The following ST6GAL1 variants were observed in gnomAD, a reference collection of about 807,000 sequenced individuals.
ST6GAL1 encodes beta-galactoside alpha-2,6-sialyltransferase 1.
Under a neutral mutation model 38.0 loss-of-function variants are expected in ST6GAL1, and 20 were observed. The observed-to-expected ratio is 0.53, with a 90% CI of 0.37 to 0.77. The LOEUF (loss-of-function observed/expected upper bound fraction) is 0.77. Ranked by LOEUF, ST6GAL1 falls within the 30% of genes least tolerant of loss-of-function variation. ST6GAL1 has a pLI of 0.00. For missense variants in ST6GAL1, 432 were observed against 496.4 expected, an observed-to-expected ratio of 0.87 and a Z score of 1.23; for synonymous variants, 196 against 188.2, an observed-to-expected ratio of 1.04 and a Z score of -0.34.
intron 2 of ST6GAL1, among the ~76,000 whole-genome samples, chr3:186,989,814 G>T (rs7622133): frequency 0.45 from 68,195 of 152,096 alleles, 15,395 homozygotes; most frequent in East Asian, 0.55. Context: ...ATTTGATTTT[G>T]CATGTCTTCT....
chr3:186,974,995 A>T (rs190373225), intron 2 of ST6GAL1: 3 of 152,450 alleles, frequency 2.0e-5, no homozygotes, highest in Admixed American at 2.0e-4. Flanking sequence ...GTCCTCGCCA[A>T]CATCTACAAA....
At chr3:186,935,252 A>T (rs1388096982) in intron 1 of ST6GAL1, among the ~76,000 whole-genome samples, 1 of 152,126 alleles carries the variant, frequency 6.6e-6, no homozygotes, top group African/African-American at 2.4e-5. Flanking sequence ...AAGTAAGAAC[A>T]TGTGGTATTG....
intron 1 of ST6GAL1, among the ~76,000 whole-genome samples, chr3:186,932,602 A>C (rs1235050908): frequency 6.6e-6 from 1 of 152,168 alleles, no homozygotes; most frequent in Non-Finnish European, 1.5e-5. Context: ...GGAGACTCAG[A>C]TGTTTTGCCT....
intron 1 of ST6GAL1, among the ~76,000 whole-genome samples, chr3:186,958,348 CTT>C (rs752567628): frequency 2.3e-4 from 35 of 151,910 alleles, no homozygotes; most frequent in Admixed American, 1.3e-4. Flanking sequence ...TTAGTGTTGA[CTT>C]AATAAAAAAT....
intron 2 of ST6GAL1, among the ~76,000 whole-genome samples, chr3:187,024,378 C>A (rs1717441745): frequency 6.6e-6 from 1 of 150,960 alleles, no homozygotes; most frequent in East Asian, 1.9e-4. Context: ...CAGGCATGAG[C>A]CACCGCGCCC....
chr3:187,044,134 A>T (rs919839785), intron 4 of ST6GAL1, among the ~76,000 whole-genome samples: 5 of 152,238 alleles, frequency 3.3e-5, no homozygotes, highest in Admixed American at 3.3e-4. Flanking sequence ...GTCACAACAT[A>T]TTAATTTGCT....
intron 1 of ST6GAL1, among the ~76,000 whole-genome samples, chr3:186,937,164 A>G (rs554520372): frequency 4.1e-4 from 63 of 152,122 alleles, no homozygotes; most frequent in African/African-American, 1.4e-3. Context: ...CTTCTTGCTT[A>G]ACCTTCCCAT....
chr3:186,944,130 T>G (rs1714274178), intron 1 of ST6GAL1, among the ~76,000 whole-genome samples: 1 of 152,202 alleles, frequency 6.6e-6, no homozygotes, highest in Non-Finnish European at 1.5e-5. Context: ...CCAGAAGTCT[T>G]CAAATAAAAT....
At chr3:186,956,768 C>T (rs1205845716) in intron 1 of ST6GAL1, among the ~76,000 whole-genome samples, 6 of 152,218 alleles carry the variant, frequency 3.9e-5, no homozygotes, top group Non-Finnish European at 5.9e-5. Context: ...AAGCACTGAT[C>T]ATGCACACAG....
intron 2 of ST6GAL1, among the ~76,000 whole-genome samples, chr3:187,010,922 C>T (rs1246787638): frequency 6.6e-6 from 1 of 152,190 alleles, no homozygotes; most frequent in Non-Finnish European, 1.5e-5. Context: ...CCCCCCTCCC[C>T]TTTCTAAACC....
intron 2 of ST6GAL1, among the ~76,000 whole-genome samples, chr3:187,025,089 C>T (rs74925087): frequency 6.6e-6 from 1 of 150,980 alleles, no homozygotes; most frequent in East Asian, 1.9e-4. Flanking sequence ...AGGGGTGGTA[C>T]GATTCTGCCA....
At chr3:186,957,539 A>T (rs1022684002) in intron 1 of ST6GAL1, among the ~76,000 whole-genome samples, 1 of 152,206 alleles carries the variant, frequency 6.6e-6, no homozygotes, top group Non-Finnish European at 1.5e-5. Flanking sequence ...AATAGAGACA[A>T]TGAAAGGGAA....
intron 2 of ST6GAL1, among the ~76,000 whole-genome samples, chr3:186,999,841 TTTTA>T (rs1716555293): frequency 6.9e-6 from 1 of 144,652 alleles, no homozygotes; most frequent in Non-Finnish European, 1.5e-5. Flanking sequence ...AAAGATACAC[TTTTA>T]TTTATTTATA....
At position 187,074,292 on chromosome 3, in the gene ST6GAL1, C is replaced by T. The variant is rs1293528570; in HGVS notation, c.938C>T (p.Pro313Leu). The T allele has an allele frequency of 6.2e-7, 1 of 1,605,796 alleles. No homozygotes were observed. Among genetic ancestry groups the T allele is most frequent in the South Asian group, 1.1e-5 (1 of 88,572 alleles). ...ELWDILQEIS[P>L]EEIQPNPPSS... is the part of the protein sequence containing the mutation. Reference sequence around the variant, plus strand: ...TGGGACATTCTTCAAGAAATCTCCCCAGAAGAGATTCAGCCAAACCCCCCA... The same window carrying T: ...TGGGACATTCTTCAAGAAATCTCCCTAGAAGAGATTCAGCCAAACCCCCCA... The change falls in exon 7 of 8, where the codon CCA becomes CTA. Residue 313 changes from proline (P) to leucine (L), a missense_variant. Pro to Leu is a moderately conservative substitution (Grantham distance 98). Coordinates refer to ENST00000169298, the MANE Select transcript of ST6GAL1 (RefSeq NM_173216.2).
At chr3:187,053,792 G>A (rs575581480) in intron 5 of ST6GAL1, among the ~76,000 whole-genome samples, 1 of 152,252 alleles carries the variant, frequency 6.6e-6, no homozygotes, top group East Asian at 1.9e-4. Context: ...GCTCTTTTTT[G>A]GTTGCATATG....
intron 2 of ST6GAL1, among the ~76,000 whole-genome samples, chr3:186,972,400 C>T (rs921451598): frequency 8.5e-5 from 13 of 152,108 alleles, no homozygotes; most frequent in African/African-American, 3.1e-4. Flanking sequence ...AGGCACGGGC[C>T]ACCACACCCA....
Position 187,076,989 on chromosome 3 carries a change from A to G in ST6GAL1, c.*1186A>G. 1 of 332,394 alleles carries G rather than the reference A, an allele frequency of 3.0e-6. No homozygotes were observed. The highest frequency in any genetic ancestry group is 4.4e-5 in the East Asian group (1 of 22,968). 20.6% of individuals were successfully genotyped at this position (332,394 alleles called of 1,614,324 possible). ...TAACCACCATCTGTTTTTTTTTTTT[A>G]AAGCATTTTTTGCTTTAAAAGCATC... On this transcript the variant is annotated 3_prime_UTR_variant, in exon 8 of 8. Transcript: ENST00000169298.
chr3:187,024,485 TATATATATAGAGAG>T (rs1717451534), intron 2 of ST6GAL1, among the ~76,000 whole-genome samples: 3 of 65,516 alleles, frequency 4.6e-5, no homozygotes, highest in Admixed American at 4.5e-4. Context: ...TATATATATA[TATATATATAGAGAG>T]AGAGAGAGAG....
At chr3:187,021,681 C>T (rs1184298956) in intron 2 of ST6GAL1, among the ~76,000 whole-genome samples, 2 of 141,036 alleles carry the variant, frequency 1.4e-5, no homozygotes, top group South Asian at 2.2e-4. Context: ...GCAGAGGTTG[C>T]AGTGAATCAA....
Sources: allele counts gnomAD v4.1 joint callset (sites outside exome capture counted in the v4.1 genomes callset), GRCh38; gene constraint gnomAD v4.1.1; transcripts MANE v1.5; gene names NCBI Gene and HGNC (gene_info 2026-07-23, HGNC 2026-07-21).